Variants in SMAGP observed in about 807,000 individuals in gnomAD.
The protein encoded by SMAGP is small cell transmembrane and glycosylated protein.
In SMAGP, 7 loss-of-function variants were observed where a neutral mutation model predicts 10.1. That is an observed-to-expected ratio of 0.70 (90% CI 0.40 to 1.31). The LOEUF (loss-of-function observed/expected upper bound fraction) is 1.31. SMAGP is among the 50% of genes most tolerant of loss of function. The probability of loss-of-function intolerance (pLI) is 0.01; values close to 1 mark genes in which losing one functional copy is unlikely to be tolerated. For missense variants in SMAGP, 113 were observed against 116.5 expected (o/e 0.97, Z 0.14); for synonymous variants, 49 against 47.2 (o/e 1.04, Z -0.16).
chr12:51,246,877 T>C (rs202077012), intron 2 of SMAGP, 46 bp from the exon 3 acceptor site: 2 of 1,445,572 alleles, frequency 1.4e-6, no homozygotes, highest in African/African-American at 1.4e-5. Context: ...TGAATTCTTT[T>C]GTTTGAAAGC....
At position 51,245,742 on chromosome 12, in the gene SMAGP, G is replaced by A; in HGVS notation, c.*199C>T. The stretch of plus-strand genomic sequence containing the variant: ...GCTCTAGTAAGAGGGCCTGGTTAAA[G>A]ATATCATAAACAGCTTTCTCCATGT... On this transcript the variant is annotated 3_prime_UTR_variant, in exon 4 of 4. Coordinates refer to ENST00000603798, the MANE Select transcript of SMAGP (RefSeq NM_001031628.2). 1 of 560,158 alleles carries A rather than the reference G, an allele frequency of 1.8e-6. No homozygotes were observed. The highest frequency in any genetic ancestry group is 3.1e-5 in the Admixed American group (1 of 32,470). The allele number at this position is 560,158 out of a possible 1,614,324, so 34.7% of individuals were successfully genotyped here.
At chr12:51,255,414 A>G (rs997174705) in intron 2 of SMAGP, among the ~76,000 whole-genome samples, 1 of 152,168 alleles carries the variant, frequency 6.6e-6, no homozygotes, top group Admixed American at 6.6e-5. Context: ...TAAAATGCAG[A>G]TTCTGATTCA....
At chr12:51,260,594 G>A (rs546114129) in intron 2 of SMAGP, among the ~76,000 whole-genome samples, 106 of 151,108 alleles carry the variant, frequency 7.0e-4, no homozygotes, top group African/African-American at 2.5e-3. Flanking sequence ...TAGCCAGGAT[G>A]GTCTCAATCT....
At chr12:51,270,093 C>T (rs896492153) in intron 1 of SMAGP, 163 bp downstream of exon 1, 6 of 151,902 alleles carry the variant, frequency 3.9e-5, no homozygotes, top group African/African-American at 1.4e-4. Flanking sequence ...CTGGGGGCGG[C>T]CGGTGCGTCG....
intron 2 of SMAGP, among the ~76,000 whole-genome samples, chr12:51,264,220 CT>C (rs1592237386): frequency 6.6e-6 from 1 of 152,162 alleles, no homozygotes; most frequent in Non-Finnish European, 1.5e-5. Context: ...AAAGTATAAG[CT>C]TTCTTCCTAT....
intron 2 of SMAGP, among the ~76,000 whole-genome samples, chr12:51,255,031 T>C (rs1944873293): frequency 6.6e-6 from 1 of 152,114 alleles, no homozygotes; most frequent in African/African-American, 2.4e-5. Flanking sequence ...TTTTTTTTAT[T>C]ATTTATTCAC....
intron 2 of SMAGP, among the ~76,000 whole-genome samples, chr12:51,260,125 A>G (rs1944918239): frequency 6.6e-6 from 1 of 151,386 alleles, no homozygotes; most frequent in African/African-American, 2.4e-5. Flanking sequence ...CAATATAAAT[A>G]TGGTCTAATA....
At chr12:51,268,963 C>T (rs1273726206) in intron 2 of SMAGP, among the ~76,000 whole-genome samples, 1 of 152,180 alleles carries the variant, frequency 6.6e-6, no homozygotes, top group Non-Finnish European at 1.5e-5. Flanking sequence ...CTCAAGAGAT[C>T]CTCCTGTCTC....
chr12:51,251,050 GA>G (rs1474198531), intron 2 of SMAGP, among the ~76,000 whole-genome samples: 1 of 152,102 alleles, frequency 6.6e-6, no homozygotes, highest in Non-Finnish European at 1.5e-5. Context: ...AACATTTTGA[GA>G]ATTTAGGATG....
chr12:51,256,749 A>AAC (rs56399886), intron 2 of SMAGP, among the ~76,000 whole-genome samples: 4 of 144,480 alleles, frequency 2.8e-5, no homozygotes, highest in Admixed American at 7.2e-5. Flanking sequence ...AACAAAAAAA[A>AAC]CACAAACAAA....
chr12:51,260,206 CTTT>C (rs1274632737), intron 2 of SMAGP, among the ~76,000 whole-genome samples: 5 of 104,914 alleles, frequency 4.8e-5, no homozygotes, highest in Middle Eastern at 6.9e-3. Context: ...GTCATGGTTT[CTTT>C]TTTTTTTTTT....
intron 2 of SMAGP, among the ~76,000 whole-genome samples, chr12:51,255,972 T>C (rs1944881505): frequency 6.6e-6 from 1 of 152,142 alleles, no homozygotes; most frequent in South Asian, 2.1e-4. Context: ...GGTTTCACCA[T>C]GTTGGCCAGG....
chr12:51,255,399 C>A (rs1402764825), intron 2 of SMAGP, among the ~76,000 whole-genome samples: 4 of 152,116 alleles, frequency 2.6e-5, no homozygotes, highest in African/African-American at 4.8e-5. Flanking sequence ...TCCTACAGAT[C>A]TCGTTAAAAT....
intron 2 of SMAGP, among the ~76,000 whole-genome samples, chr12:51,253,024 C>A (rs1048591717): frequency 1.3e-5 from 2 of 151,976 alleles, no homozygotes; most frequent in African/African-American, 4.8e-5. Flanking sequence ...AGAAAGGGGT[C>A]GGGAACCTGA....
At chr12:51,259,546 G>A (rs1008299010) in intron 2 of SMAGP, among the ~76,000 whole-genome samples, 1 of 152,088 alleles carries the variant, frequency 6.6e-6, no homozygotes, top group Non-Finnish European at 1.5e-5. Flanking sequence ...TTGCTCTTAG[G>A]TTCAGGAAGC....
Position 51,258,418 on chromosome 12 carries a change from C to T in SMAGP, c.34+10827G>A, listed in dbSNP as rs372150977. Among the ~76,000 whole-genome samples the T allele has an allele frequency of 4.6e-5, 7 of 151,706 alleles. No individual in the cohort carries two copies. The East Asian group carries it at 1.4e-3, about 30-fold the overall frequency. On this transcript the variant is annotated intron_variant, in intron 2 of 3. Coordinates refer to ENST00000603798, the MANE Select transcript of SMAGP (RefSeq NM_001031628.2). ...ACCAGCCTGGCCAACATGGTGAAAC[C>T]CCATCTCTACTAAAAATAAAAATTA...
intron 2 of SMAGP, among the ~76,000 whole-genome samples, chr12:51,260,130 C>G (rs956649749): frequency 1.3e-5 from 2 of 151,424 alleles, no homozygotes; most frequent in African/African-American, 4.9e-5. Context: ...TAAATATGGT[C>G]TAATAATGGA....
chr12:51,269,349 C>T (rs2137314769), intron 1 of SMAGP, 33 bp from the exon 2 acceptor site: 1 of 1,578,964 alleles, frequency 6.3e-7, no homozygotes, highest in Non-Finnish European at 8.7e-7. Context: ...AGGAATGTAG[C>T]GGGTGGGCCC....
chr12:51,245,862 C>T lies in SMAGP; in HGVS notation c.*79G>A. 1 of 1,492,566 alleles carries T rather than the reference C, an allele frequency of 6.7e-7. No individual in the cohort carries two copies. Among genetic ancestry groups the T allele is most frequent in the Non-Finnish European group, 9.0e-7 (1 of 1,106,436 alleles). The allele number at this position is 1,492,566 out of a possible 1,614,324, so 92.5% of individuals were successfully genotyped here. On this transcript the variant is annotated 3_prime_UTR_variant, in exon 4 of 4. Coordinates refer to ENST00000603798, the MANE Select transcript of SMAGP (RefSeq NM_001031628.2). ...ATCAATCAATGCTTCTCCCTGGCTT[C>T]AGAGAAAACTTTCCCATAATAAGCA...
Sources: gnomAD v4.1 joint callset for allele counts (sites outside exome capture counted in the v4.1 genomes callset) on GRCh38, gnomAD v4.1.1 for gene constraint, MANE v1.5 for transcripts, NCBI Gene and HGNC (gene_info 2026-07-23, HGNC 2026-07-21) for gene names.